The following DMD variants were observed in gnomAD, a reference collection of about 807,000 sequenced individuals.
The protein encoded by DMD is mutant dystrophin.
In DMD, 63 loss-of-function variants were observed where a neutral mutation model predicts 330.1. The observed-to-expected ratio is 0.19, with a 90% CI of 0.16 to 0.24. The LOEUF (loss-of-function observed/expected upper bound fraction) is 0.24, where lower values mean the gene tolerates loss of function less well. DMD is among the 10% of genes least tolerant of loss of function. DMD has a pLI of 1.00. For missense variants in DMD, 3,344 were observed against 2,684.1 expected, an observed-to-expected ratio of 1.25 and a Z score of -5.43; for synonymous variants, 1,223 against 959.8, an observed-to-expected ratio of 1.27 and a Z score of -5.07.
chrX:32,170,348 T>C (rs12556173), intron 44 of DMD, among the ~76,000 whole-genome samples: 16,047 of 108,319 alleles, frequency 0.15, 1,099 homozygotes, highest in Admixed American at 0.24. Context: ...GGTGCACACC[T>C]GTAATCCCAG....
At chrX:32,185,129 TG>T (rs2096941150) in intron 44 of DMD, among the ~76,000 whole-genome samples, 1 of 111,295 alleles carries the variant, frequency 9.0e-6, no homozygotes, top group Admixed American at 9.6e-5. Flanking sequence ...GTTGCAGTTC[TG>T]GGGGCAATAG....
intron 2 of DMD, among the ~76,000 whole-genome samples, chrX:32,869,828 A>G (rs2082805556): frequency 9.1e-6 from 1 of 109,360 alleles, no homozygotes; most frequent in South Asian, 4.0e-4. Flanking sequence ...TTTATGACAA[A>G]CCTACAGCCA....
chrX:32,207,477 A>C (rs1336907866), intron 44 of DMD, among the ~76,000 whole-genome samples: 1 of 111,994 alleles, frequency 8.9e-6, no homozygotes, highest in African/African-American at 3.2e-5. Flanking sequence ...TTGTTACAGC[A>C]GCACAAAACG....
rs1569553645 is a variant in DMD, at chrX:32,252,744, AAAT to A, written c.6290+34782_6290+34784del. Reference sequence around the variant, plus strand: ...TATATAAATATATAAATATATATATAAATATATATAAATATATAAATATATATA... The same window carrying A: ...TATATAAATATATAAATATATATATAATATATAAATATATAAATATATATA... On this transcript the variant is annotated intron_variant, in intron 43 of 78. Transcript: ENST00000357033. 6.4e-3 allele frequency among the ~76,000 whole-genome samples: 290 copies of A among 45,665 alleles called. 11 individuals carry two copies. The highest frequency in any genetic ancestry group is 0.028 in the African/African-American group (261 of 9,252). 39.7% of individuals were successfully genotyped at this position (45,665 alleles called of 115,157 possible).
intron 53 of DMD, among the ~76,000 whole-genome samples, chrX:31,666,072 A>C (rs1435768478): frequency 1.8e-5 from 2 of 112,012 alleles, no homozygotes; most frequent in African/African-American, 6.5e-5. Context: ...AAGTCAGTTG[A>C]GAGGGTGTAG....
intron 9 of DMD, among the ~76,000 whole-genome samples, chrX:32,677,892 T>C (rs931876072): frequency 8.9e-6 from 1 of 111,936 alleles, no homozygotes; most frequent in African/African-American, 3.2e-5. Context: ...GAAGATGTGG[T>C]AAATACATAC....
chrX:31,618,160 C>T (rs770585746), intron 55 of DMD, among the ~76,000 whole-genome samples: 22 of 108,351 alleles, frequency 2.0e-4, no homozygotes, highest in Admixed American at 7.0e-4. Context: ...AATCTGTTCA[C>T]CAAACTCCCA....
intron 76 of DMD, among the ~76,000 whole-genome samples, chrX:31,137,040 A>T (rs2035330327): frequency 9.1e-6 from 1 of 109,875 alleles, no homozygotes; most frequent in African/African-American, 3.3e-5. Context: ...TTTTTTTGAG[A>T]TGGAGTCTTG....
intron 1 of DMD, among the ~76,000 whole-genome samples, chrX:33,336,854 C>A (rs1053214372): frequency 6.3e-5 from 7 of 111,027 alleles, no homozygotes; most frequent in African/African-American, 2.3e-4. Flanking sequence ...GCAGGCTGAC[C>A]CTGTTTTAGA....
intron 49 of DMD, among the ~76,000 whole-genome samples, chrX:31,824,708 C>T (rs1382539842): frequency 9.0e-6 from 1 of 111,285 alleles, no homozygotes; most frequent in African/African-American, 3.2e-5. Flanking sequence ...ATTATTGTCA[C>T]ATTTCAGTAA....
At chrX:32,863,153 G>A (rs1055385865) in intron 2 of DMD, among the ~76,000 whole-genome samples, 1 of 111,217 alleles carries the variant, frequency 9.0e-6, no homozygotes, top group East Asian at 2.8e-4. Context: ...TGACAGAAAC[G>A]GTATGGTACA....
intron 43 of DMD, among the ~76,000 whole-genome samples, chrX:32,273,098 GAA>G (rs759527103): frequency 1.8e-5 from 2 of 111,219 alleles, no homozygotes; most frequent in Admixed American, 1.9e-4. Context: ...AGAATATGGA[GAA>G]ACAGAAGAGT....
chrX:31,720,774 A>G (rs775514713), intron 52 of DMD, among the ~76,000 whole-genome samples: 12 of 111,815 alleles, frequency 1.1e-4, no homozygotes, highest in Admixed American at 1.0e-3. Flanking sequence ...AGAAAACACT[A>G]TTTATGTTCA....
chrX:33,140,262 T>C (rs1030288910), intron 1 of DMD, among the ~76,000 whole-genome samples: 1 of 111,987 alleles, frequency 8.9e-6, no homozygotes, highest in Non-Finnish European at 1.9e-5. Context: ...AGATTATGAA[T>C]GTTATTCTCA....
intron 7 of DMD, among the ~76,000 whole-genome samples, chrX:32,778,643 T>C (rs1292064179): frequency 8.9e-6 from 1 of 111,893 alleles, no homozygotes; most frequent in Non-Finnish European, 1.9e-5. Context: ...TTCCCTTTTC[T>C]AGCTTTTATA....
chrX:32,508,017 T>C (rs1394928058), intron 18 of DMD, among the ~76,000 whole-genome samples: 1 of 110,287 alleles, frequency 9.1e-6, no homozygotes, highest in Non-Finnish European at 1.9e-5. Context: ...TCAGAATATA[T>C]ATCAGAGCAA....
At chrX:32,571,516 T>C (rs989960293) in intron 15 of DMD, among the ~76,000 whole-genome samples, 1 of 111,613 alleles carries the variant, frequency 9.0e-6, no homozygotes. Flanking sequence ...CATTCCTCCC[T>C]GAAATCTATT....
intron 60 of DMD, among the ~76,000 whole-genome samples, chrX:31,442,339 T>G (rs1435542389): frequency 9.0e-6 from 1 of 111,592 alleles, no homozygotes; most frequent in Non-Finnish European, 1.9e-5. Context: ...AAATAATGGC[T>G]GAGCTTAAGT....
chrX:32,593,875 G>A (rs910102526), intron 13 of DMD, among the ~76,000 whole-genome samples: 3 of 112,400 alleles, frequency 2.7e-5, no homozygotes, highest in Admixed American at 1.9e-4. Flanking sequence ...CTGACATCCT[G>A]GAAGCCTCTA....
Sources: allele counts gnomAD v4.1 joint callset (sites outside exome capture counted in the v4.1 genomes callset), GRCh38; gene constraint gnomAD v4.1.1; transcripts MANE v1.5; gene names NCBI Gene and HGNC (gene_info 2026-07-23, HGNC 2026-07-21).